Variants in GABRA5 observed in about 807,000 individuals in gnomAD.
GABRA5 encodes gamma-aminobutyric acid type A receptor subunit alpha5.
A neutral mutation model predicts 47.3 loss-of-function variants in GABRA5; 18 were observed. That is an observed-to-expected ratio of 0.38 (90% CI 0.26 to 0.56). The LOEUF is 0.56. Ranked by LOEUF, GABRA5 falls within the 20% of genes least tolerant of loss-of-function variation. The probability of loss-of-function intolerance (pLI) is 0.71; values close to 1 mark genes in which losing one functional copy is unlikely to be tolerated. For missense variants in GABRA5, 365 were observed against 599.3 expected (o/e 0.61, Z 4.08); for synonymous variants, 237 against 229.3 (o/e 1.03, Z -0.30).
chr15:26,893,405 T>TGGCGTGTGTGTATGG (rs1349475677), intron 6 of GABRA5, among the ~76,000 whole-genome samples: 1 of 142,584 alleles, frequency 7.0e-6, no homozygotes, highest in Non-Finnish European at 1.5e-5. Context: ...GTATGGTGTG[T>TGGCGTGTGTGTATGG]TGTGTGTGTT....
chr15:26,869,757 T>C (rs2075716), intron 3 of GABRA5, among the ~76,000 whole-genome samples: 106,497 of 152,154 alleles, frequency 0.7, 38,348 homozygotes, highest in African/African-American at 0.87. Flanking sequence ...AAGCCAGGCC[T>C]ATGCTACTTG....
chr15:26,912,999 A>G (rs1478491220), intron 6 of GABRA5, among the ~76,000 whole-genome samples: 1 of 152,142 alleles, frequency 6.6e-6, no homozygotes, highest in Non-Finnish European at 1.5e-5. Flanking sequence ...CCTGGCCAAC[A>G]TGGTGAAACC....
At chr15:26,914,924 T>C (rs749791625) in intron 7 of GABRA5, 39 bp downstream of exon 7, 1 of 1,504,932 alleles carries the variant, frequency 6.6e-7, no homozygotes, top group Non-Finnish European at 9.3e-7. Flanking sequence ...GGACATATAC[T>C]TTGGGGATCA....
chr15:26,877,858 T>C (rs1276700495), intron 3 of GABRA5, among the ~76,000 whole-genome samples: 2 of 152,182 alleles, frequency 1.3e-5, no homozygotes, highest in East Asian at 3.8e-4. Context: ...TTTTCAAATA[T>C]TTCTGTTATG....
chr15:26,882,025 A>T (rs184514180), intron 4 of GABRA5, among the ~76,000 whole-genome samples: 1 of 152,122 alleles, frequency 6.6e-6, no homozygotes. Context: ...TAACAGGGAG[A>T]TCCACTTAAA....
At chr15:26,900,348 T>A (rs575025872) in intron 6 of GABRA5, among the ~76,000 whole-genome samples, 1 of 152,232 alleles carries the variant, frequency 6.6e-6, no homozygotes, top group South Asian at 2.1e-4. Context: ...AAAAAATGGG[T>A]TACAAATCAA....
intron 7 of GABRA5, among the ~76,000 whole-genome samples, chr15:26,923,095 G>C (rs1595425149): frequency 6.6e-6 from 1 of 152,176 alleles, no homozygotes; most frequent in Non-Finnish European, 1.5e-5. Flanking sequence ...ACATCAGAGA[G>C]AGTTGCAATT....
Position 26,948,064 on chromosome 15 carries a change from C to G in GABRA5, c.1220C>G (p.Pro407Arg). 6.2e-7 allele frequency: 1 copy of G among 1,610,048 alleles called. No individual in the cohort carries two copies. The highest frequency in any genetic ancestry group is 8.5e-7 in the Non-Finnish European group (1 of 1,177,998). Reference sequence around the variant, plus strand: ...AATACAACCTCAGTCTCAGTAAAACCCTCTGAAGAGAAGACTTCTGAAAGC... The same window carrying G: ...AATACAACCTCAGTCTCAGTAAAACGCTCTGAAGAGAAGACTTCTGAAAGC... ...TSNTTSVSVK[P>R]SEEKTSESKK... Residue 407 changes from proline to arginine, a missense_variant, in exon 11 of 11, where the codon CCC becomes CGC. Coordinates refer to ENST00000335625, the MANE Select transcript of GABRA5 (RefSeq NM_000810.4).
intron 6 of GABRA5, among the ~76,000 whole-genome samples, chr15:26,893,163 G>T (rs886942886): frequency 2.2e-4 from 33 of 146,832 alleles, no homozygotes; most frequent in African/African-American, 8.3e-4. Flanking sequence ...GGCGTGTGTG[G>T]GGTGTGTATG....
In GABRA5 at chr15:26,948,100, A is replaced by G. The variant is rs778079951; in HGVS notation, c.1256A>G (p.Tyr419Cys). 6.2e-7 allele frequency: 1 copy of G among 1,612,878 alleles called. No homozygotes were observed. Among genetic ancestry groups the G allele is most frequent in the Non-Finnish European group, 8.5e-7 (1 of 1,179,396 alleles). ...AAGACTTCTGAAAGCAAAAAGACTT[A>G]CAACAGTATCAGCAAAATTGACAAA... ...EEKTSESKKT[Y>C]NSISKIDKMS... The change falls in exon 11 of 11, where the codon TAC (tyrosine) becomes TGC (cysteine). Residue 419 changes from tyrosine (Y) to cysteine (C), a missense_variant. Around this residue, in one of 3 missense-constraint regions of GABRA5, gnomAD observed 106 missense variants for 130.3 expected, o/e 0.81. Transcript: ENST00000335625.
At chr15:26,908,022 G>A (rs941402799) in intron 6 of GABRA5, among the ~76,000 whole-genome samples, 1 of 152,256 alleles carries the variant, frequency 6.6e-6, no homozygotes, top group South Asian at 2.1e-4. Flanking sequence ...TGGGCATCAG[G>A]CAGGGCTCAT....
At chr15:26,910,617 C>T (rs561477306) in intron 6 of GABRA5, among the ~76,000 whole-genome samples, 1 of 150,130 alleles carries the variant, frequency 6.7e-6, no homozygotes, top group African/African-American at 2.5e-5. Flanking sequence ...AAAAAAATCC[C>T]ATTTCCTTAT....
chr15:26,948,280 G>A lies in GABRA5; in HGVS notation c.*47G>A. On this transcript the variant is annotated 3_prime_UTR_variant, in exon 11 of 11. Coordinates refer to ENST00000335625, the MANE Select transcript of GABRA5 (RefSeq NM_000810.4). ...AAGACAGCCATACTTCCAGCGAAAT[G>A]GTACCAAGGAGAGGTCTTGCTCACA... The A allele has an allele frequency of 1.3e-6, 2 of 1,574,064 alleles. No homozygotes were observed. Among genetic ancestry groups the A allele is most frequent in the Non-Finnish European group, 8.6e-7 (1 of 1,158,032 alleles).
chr15:26,934,030 A>G (rs1334901618), intron 7 of GABRA5, among the ~76,000 whole-genome samples: 2 of 152,044 alleles, frequency 1.3e-5, no homozygotes, highest in East Asian at 1.9e-4. Context: ...AGGCGGGTGT[A>G]TCGCTTGAGG....
At chr15:26,932,457 A>G (rs1348941881) in intron 7 of GABRA5, among the ~76,000 whole-genome samples, 1 of 152,242 alleles carries the variant, frequency 6.6e-6, no homozygotes, top group African/African-American at 2.4e-5. Context: ...TTACAAAGTC[A>G]AGAAACAACA....
chr15:26,947,558 G>A (rs970540882), intron 10 of GABRA5, among the ~76,000 whole-genome samples: 3 of 152,036 alleles, frequency 2.0e-5, no homozygotes, highest in African/African-American at 7.3e-5. Flanking sequence ...TCTTTTTTAT[G>A]GCTGCACCAT....
chr15:26,914,264 G>T (rs1195476936), intron 6 of GABRA5, among the ~76,000 whole-genome samples: 3 of 152,128 alleles, frequency 2.0e-5, no homozygotes, highest in Non-Finnish European at 4.4e-5. Flanking sequence ...TTATAGCCAG[G>T]TTCCGGTCAA....
chr15:26,948,523 A>G lies in GABRA5; in HGVS notation c.*290A>G. 8.9e-6 allele frequency: 3 copies of G among 338,296 alleles called. No homozygotes were observed. Among genetic ancestry groups the G allele is most frequent in the Non-Finnish European group, 1.6e-5 (3 of 185,668 alleles). 21.0% of individuals were successfully genotyped at this position (338,296 alleles called of 1,614,324 possible). On this transcript the variant is annotated 3_prime_UTR_variant, in exon 11 of 11. Coordinates refer to ENST00000335625, the MANE Select transcript of GABRA5 (RefSeq NM_000810.4). Reference sequence around the variant, plus strand: ...TTGATAGTTTACAAACAAGATACGTATATTTTTAACTGCTTCAAGTGTTAC... The same window carrying G: ...TTGATAGTTTACAAACAAGATACGTGTATTTTTAACTGCTTCAAGTGTTAC...
chr15:26,901,392 T>C (rs1290587713), intron 6 of GABRA5, among the ~76,000 whole-genome samples: 2 of 152,206 alleles, frequency 1.3e-5, no homozygotes, highest in Non-Finnish European at 2.9e-5. Context: ...TGCTTTAATT[T>C]GTGTTTTTCT....
Sources: gnomAD v4.1 joint callset for allele counts (sites outside exome capture counted in the v4.1 genomes callset) on GRCh38, gnomAD v4.1.1 for gene constraint, gnomAD v4.1.1 regional missense constraint, MANE v1.5 for transcripts, NCBI Gene and HGNC (gene_info 2026-07-23, HGNC 2026-07-21) for gene names.